SDK1: variants seen among roughly 807,000 people sequenced by gnomAD.
SDK1 encodes protein sidekick-1.
SDK1 carries 157 observed loss-of-function variants against 245.5 expected under a neutral mutation model. The ratio of observed to expected loss-of-function variants is 0.64; its 90% CI spans 0.56 to 0.73. The LOEUF (loss-of-function observed/expected upper bound fraction) is 0.73. Ranked by LOEUF, SDK1 falls within the 30% of genes least tolerant of loss-of-function variation. The pLI is 0.00. For synonymous variants in SDK1, 1,647 were observed against 1,278.5 expected (o/e 1.29, Z -6.15); for missense variants, 3,583 against 3,002.3 (o/e 1.19, Z -4.52).
At chr7:3,658,896 G>C (rs1287395044) in intron 4 of SDK1, among the ~76,000 whole-genome samples, 1 of 152,084 alleles carries the variant, frequency 6.6e-6, no homozygotes, top group Non-Finnish European at 1.5e-5. Context: ...GGGATTACAG[G>C]TGTGAGCCAC....
At chr7:3,447,574 A>G (rs778632563) in intron 1 of SDK1, among the ~76,000 whole-genome samples, 4 of 152,134 alleles carry the variant, frequency 2.6e-5, no homozygotes, top group East Asian at 1.9e-4. Flanking sequence ...AGTGTATTCT[A>G]TAGTATGAAT....
intron 10 of SDK1, among the ~76,000 whole-genome samples, chr7:3,968,655 C>T (rs571260459): frequency 3.3e-5 from 5 of 152,300 alleles, no homozygotes; most frequent in Admixed American, 2.0e-4. Context: ...ATAGCAATCA[C>T]GTTCATGGAT....
chr7:3,615,791 C>A (rs149462030), intron 1 of SDK1, among the ~76,000 whole-genome samples: 2 of 149,568 alleles, frequency 1.3e-5, no homozygotes, highest in Admixed American at 1.3e-4. Flanking sequence ...CCCACTATTC[C>A]ACGCCCTCTT....
intron 8 of SDK1, among the ~76,000 whole-genome samples, chr7:3,960,806 C>T (rs1043265572): frequency 3.9e-5 from 6 of 152,302 alleles, no homozygotes; most frequent in Admixed American, 3.3e-4. Flanking sequence ...ATCTTTCTTA[C>T]AGTGGTTGCA....
chr7:3,436,994 T>A (rs1277290200), intron 1 of SDK1, among the ~76,000 whole-genome samples: 2 of 152,200 alleles, frequency 1.3e-5, no homozygotes, highest in East Asian at 3.8e-4. Flanking sequence ...AAAAATTTCC[T>A]GGGTTATATA....
intron 1 of SDK1, among the ~76,000 whole-genome samples, chr7:3,402,084 T>A (rs1778902904): frequency 6.6e-6 from 1 of 152,196 alleles, no homozygotes; most frequent in Admixed American, 6.5e-5. Flanking sequence ...TTCTGAGGTT[T>A]AGCTTTTATG....
At chr7:3,575,232 C>T (rs1446919107) in intron 1 of SDK1, among the ~76,000 whole-genome samples, 1 of 152,050 alleles carries the variant, frequency 6.6e-6, no homozygotes, top group Non-Finnish European at 1.5e-5. Flanking sequence ...CTTTCTGTGT[C>T]CTCACATGCC....
At chr7:3,620,547 C>A (rs1047949438) in intron 2 of SDK1, among the ~76,000 whole-genome samples, 1 of 152,278 alleles carries the variant, frequency 6.6e-6, no homozygotes, top group South Asian at 2.1e-4. Flanking sequence ...AGGTGATCTG[C>A]CTGCCTTGGC....
At chr7:3,355,196 T>C (rs1780758603) in intron 1 of SDK1, among the ~76,000 whole-genome samples, 1 of 152,204 alleles carries the variant, frequency 6.6e-6, no homozygotes, top group African/African-American at 2.4e-5. Flanking sequence ...TTGTGAATAT[T>C]CTCTGAAACT....
At chr7:3,959,536 T>C (rs574159082) in intron 8 of SDK1, among the ~76,000 whole-genome samples, 18 of 152,200 alleles carry the variant, frequency 1.2e-4, no homozygotes, top group Non-Finnish European at 5.9e-5. Flanking sequence ...TGGAGTGATG[T>C]ACCCTGTACC....
rs1332480860 is a variant in SDK1, at chr7:4,237,675, G to C, written c.6021G>C (p.Glu2007Asp). 1.9e-6 allele frequency: 3 copies of C among 1,614,164 alleles called. No individual in the cohort carries two copies. The highest frequency in any genetic ancestry group is 2.7e-5 in the African/African-American group (2 of 75,048). Reference protein sequence around the residue: ...SAQVEAPFYEEWWFLLVMALS... With the variant: ...SAQVEAPFYEDWWFLLVMALS... ...AAGTGGAAGCCCCATTCTACGAGGAGTGGTGGTTCCTCCTGGTGATGGCTC... is the reference window on the plus strand; with the variant it reads ...AAGTGGAAGCCCCATTCTACGAGGACTGGTGGTTCCTCCTGGTGATGGCTC... The change falls in exon 42 of 45, where the codon GAG becomes GAC. Residue 2007 changes from glutamate (E) to aspartate (D), a missense_variant. Transcript: ENST00000404826.
intron 1 of SDK1, among the ~76,000 whole-genome samples, chr7:3,443,170 G>C (rs1334641913): frequency 6.6e-6 from 1 of 151,750 alleles, no homozygotes; most frequent in African/African-American, 2.4e-5. Flanking sequence ...TAGCAATGCA[G>C]AGAATATTTA....
intron 4 of SDK1, among the ~76,000 whole-genome samples, chr7:3,722,466 C>G (rs796934014): frequency 6.6e-5 from 10 of 152,290 alleles, no homozygotes; most frequent in African/African-American, 2.4e-4. Context: ...CTGCGGCACT[C>G]ACCGCAGGGG....
intron 19 of SDK1, among the ~76,000 whole-genome samples, chr7:4,062,321 C>A (rs1200227195): frequency 6.6e-6 from 1 of 152,036 alleles, no homozygotes; most frequent in Non-Finnish European, 1.5e-5. Flanking sequence ...ATTTGAGACT[C>A]TTACTAACAA....
chr7:3,448,102 T>C (rs908211800), intron 1 of SDK1, among the ~76,000 whole-genome samples: 1 of 152,208 alleles, frequency 6.6e-6, no homozygotes, highest in Non-Finnish European at 1.5e-5. Context: ...CTTAACATTG[T>C]ATAGATATTA....
chr7:4,117,363 G>A (rs914021692), intron 25 of SDK1, among the ~76,000 whole-genome samples: 3 of 152,300 alleles, frequency 2.0e-5, no homozygotes, highest in Non-Finnish European at 2.9e-5. Context: ...AGCTCCTTGG[G>A]AGGCTGAGGC....
At position 3,370,990 on chromosome 7, in the gene SDK1, C is replaced by T. The variant is rs148605870; in HGVS notation, c.298+69106C>T. ...GAGGCAGAGGGAGGTGCTAAGGGTG[C>T]CGTCCAACCCTGACTGCAAATCACT... On this transcript the variant is annotated intron_variant, in intron 1 of 44. Coordinates refer to ENST00000404826, the MANE Select transcript of SDK1 (RefSeq NM_152744.4). 7.7e-4 allele frequency among the ~76,000 whole-genome samples: 117 copies of T among 152,274 alleles called. 1 individual carries two copies. The East Asian group carries it at 0.02, about 27-fold the overall frequency.
At chr7:3,813,160 T>G (rs1779425718) in intron 4 of SDK1, among the ~76,000 whole-genome samples, 1 of 151,138 alleles carries the variant, frequency 6.6e-6, no homozygotes, top group Admixed American at 6.6e-5. Flanking sequence ...GTGCACATTG[T>G]GCAGGTTAGT....
chr7:3,509,583 G>T lies in SDK1; in HGVS notation c.299-109497G>T, dbSNP rs778307946. Among the ~76,000 whole-genome samples the T allele has an allele frequency of 4.6e-5, 7 of 152,274 alleles. No individual in the cohort carries two copies. The South Asian group carries it at 6.2e-4, about 14-fold the overall frequency. ...CAGTTCCCAAAGTGAGACCCAAATA[G>T]CTGAGTGTTACGAAGTGTCCCTCCA... On this transcript the variant is annotated intron_variant, in intron 1 of 44. Coordinates refer to ENST00000404826, the MANE Select transcript of SDK1 (RefSeq NM_152744.4).
Sources: gnomAD v4.1 joint callset for allele counts (sites outside exome capture counted in the v4.1 genomes callset) on GRCh38, gnomAD v4.1.1 for gene constraint, MANE v1.5 for transcripts, NCBI Gene and HGNC (gene_info 2026-07-23, HGNC 2026-07-21) for gene names.